The following ACOT12 variants were observed in gnomAD, a reference collection of about 807,000 sequenced individuals.
ACOT12 encodes the protein acetyl-coenzyme A thioesterase.
A neutral mutation model predicts 67.7 loss-of-function variants in ACOT12; 51 were observed. The observed-to-expected ratio is 0.75, with a 90% CI of 0.60 to 0.95. The LOEUF is 0.95. Among genes scored for constraint, ACOT12 ranks in the 40% least tolerant of loss-of-function variants. The pLI, the probability that ACOT12 is intolerant of heterozygous loss-of-function variation, is 0.00. For missense variants in ACOT12, 734 were observed against 708.1 expected, an observed-to-expected ratio of 1.04 and a Z score of -0.41; for synonymous variants, 251 against 244.6, an observed-to-expected ratio of 1.03 and a Z score of -0.24.
chr5:81,378,611 A>C (rs1317582807), intron 2 of ACOT12, among the ~76,000 whole-genome samples: 1 of 152,226 alleles, frequency 6.6e-6, no homozygotes, highest in African/African-American at 2.4e-5. Context: ...AATATCGAGA[A>C]TCTACAAAGA....
intron 12 of ACOT12, among the ~76,000 whole-genome samples, chr5:81,335,047 A>G (rs562108614): frequency 2.0e-5 from 3 of 152,332 alleles, no homozygotes; most frequent in Admixed American, 6.5e-5. Context: ...GGAACTGCCA[A>G]TGAAATATTG....
chr5:81,314,234 A>G, the ACOT12 span, among the ~76,000 whole-genome samples: 1 of 151,664 alleles, frequency 6.6e-6, no homozygotes, highest in African/African-American at 2.4e-5. Context: ...CCTCCTGAGT[A>G]GCTGGGATTA....
chr5:81,358,507 C>T (rs1241319414), intron 5 of ACOT12, among the ~76,000 whole-genome samples: 1 of 152,156 alleles, frequency 6.6e-6, no homozygotes, highest in Non-Finnish European at 1.5e-5. Context: ...CGGAGACTTG[C>T]TCTTCTTAAC....
At position 81,335,842 on chromosome 5, in the gene ACOT12, C is replaced by T. The variant is rs1561322138; in HGVS notation, c.1188G>A (p.Val396=). The change falls in exon 12 of 15, where the codon GTG becomes GTA. Residue 396 remains valine, a synonymous_variant. Transcript: ENST00000307624. The part of the protein sequence containing the change: ...DVLSVWVEKH[V]GSPAHLAYRL... ...GATAAGCCAAATGTGCTGGACTTCC[C>T]ACGTGCTTTTCAACCCAAACAGATA... 1.2e-6 allele frequency: 2 copies of T among 1,614,072 alleles called. No individual in the cohort carries two copies. Among genetic ancestry groups the T allele is most frequent in the East Asian group, 2.2e-5 (1 of 44,882 alleles).
At chr5:81,384,712 G>A (rs895132221) in intron 2 of ACOT12, among the ~76,000 whole-genome samples, 9 of 152,090 alleles carry the variant, frequency 5.9e-5, no homozygotes, top group East Asian at 3.8e-4. Context: ...AACATATCCC[G>A]TCATTAAGTG....
intron 2 of ACOT12, 53 bp downstream of exon 2, chr5:81,385,704 C>G: frequency 6.4e-7 from 1 of 1,558,692 alleles, no homozygotes; most frequent in Non-Finnish European, 8.8e-7. Context: ...AATACATGTC[C>G]CAGATGAACC....
At chr5:81,335,627 G>A (rs547234399) in intron 12 of ACOT12, 141 bp downstream of exon 12, 2 of 1,049,142 alleles carry the variant, frequency 1.9e-6, no homozygotes, top group Admixed American at 2.3e-5. Flanking sequence ...GCCTCCCAAA[G>A]TGCTATGCTG....
intron 5 of ACOT12, among the ~76,000 whole-genome samples, chr5:81,353,074 C>G (rs1450260965): frequency 6.6e-6 from 1 of 152,074 alleles, no homozygotes; most frequent in Non-Finnish European, 1.5e-5. Context: ...TGTAAAGACT[C>G]AAATATAAAG....
At chr5:81,350,800 C>T (rs1038548464) in intron 5 of ACOT12, among the ~76,000 whole-genome samples, 1 of 152,226 alleles carries the variant, frequency 6.6e-6, no homozygotes, top group Admixed American at 6.5e-5. Flanking sequence ...AAGGCTAAGG[C>T]TCTCTGGAGG....
chr5:81,344,867 G>T, intron 8 of ACOT12, 24 bp downstream of exon 8: 12 of 1,613,560 alleles, frequency 7.4e-6, no homozygotes, highest in Non-Finnish European at 1.0e-5. Flanking sequence ...TCCGGCTATT[G>T]AACCTCGTGT....
rs761320764 is a variant in ACOT12, at chr5:81,363,914, A to T, written c.259-25T>A. The T allele has an allele frequency of 7.8e-6, 12 of 1,534,616 alleles. No individual in the cohort carries two copies. In the African/African-American group the frequency reaches 1.7e-4, roughly 21 times the overall value. ...TCTAAAATGAAAAAAAGATAAATAA[A>T]TACACTCTTGGCCAGTTCAGATTTC... On this transcript the variant is annotated intron_variant, in intron 3 of 14. Transcript: ENST00000307624.
At chr5:81,319,691 T>C in the ACOT12 span, among the ~76,000 whole-genome samples, 1 of 149,464 alleles carries the variant, frequency 6.7e-6, no homozygotes, top group African/African-American at 2.5e-5. Flanking sequence ...CACTCCAGCC[T>C]GGGCAACAAG....
At chr5:81,372,730 C>T (rs761003213) in intron 2 of ACOT12, among the ~76,000 whole-genome samples, 14 of 152,154 alleles carry the variant, frequency 9.2e-5, no homozygotes, top group Non-Finnish European at 1.2e-4. Context: ...TTCAAACTTC[C>T]TAAAAACATC....
intron 3 of ACOT12, 80 bp from the exon 4 acceptor site, chr5:81,363,969 C>T (rs1372825676): frequency 3.8e-6 from 3 of 785,404 alleles, no homozygotes; most frequent in Non-Finnish European, 5.5e-6. Context: ...TATGTATGCA[C>T]CATTACCTTC....
At chr5:81,309,298 C>A in the ACOT12 span, 2 of 340,538 alleles carry the variant, frequency 5.9e-6, no homozygotes, top group East Asian at 5.0e-5. Flanking sequence ...CTATGTCATA[C>A]ATTTCTACTT....
the ACOT12 span, among the ~76,000 whole-genome samples, chr5:81,320,993 C>T: frequency 5.9e-5 from 9 of 151,886 alleles, no homozygotes; most frequent in South Asian, 4.2e-4. Context: ...AGATGGCTCA[C>T]GTCTGTAATC....
chr5:81,366,239 A>G (rs1760073441), intron 3 of ACOT12, among the ~76,000 whole-genome samples: 1 of 152,338 alleles, frequency 6.6e-6, no homozygotes, highest in East Asian at 1.9e-4. Flanking sequence ...TGCCAGGAAA[A>G]GTCTGACACT....
At chr5:81,377,186 T>C (rs1162601200) in intron 2 of ACOT12, among the ~76,000 whole-genome samples, 1 of 152,180 alleles carries the variant, frequency 6.6e-6, no homozygotes, top group African/African-American at 2.4e-5. Context: ...TGGTTCAACA[T>C]ACACAAATCA....
At chr5:81,370,624 G>A (rs1760219670) in intron 3 of ACOT12, among the ~76,000 whole-genome samples, 1 of 152,196 alleles carries the variant, frequency 6.6e-6, no homozygotes, top group Non-Finnish European at 1.5e-5. Context: ...AAAGACTACA[G>A]AGAGCCATGG....
Sources: allele counts gnomAD v4.1 joint callset (sites outside exome capture counted in the v4.1 genomes callset), GRCh38; gene constraint gnomAD v4.1.1; transcripts MANE v1.5; gene names NCBI Gene and HGNC (gene_info 2026-07-23, HGNC 2026-07-21).